Variants in MACF1 observed in about 807,000 individuals in gnomAD.
MACF1 encodes the protein microtubule actin crosslinking factor 1, also known as microtubule-actin cross-linking factor 1.
A neutral mutation model predicts 854.8 loss-of-function variants in MACF1; 193 were observed. The ratio of observed to expected loss-of-function variants is 0.23; its 90% CI spans 0.20 to 0.25. The LOEUF is 0.25. Ranked by LOEUF, MACF1 falls within the 10% of genes least tolerant of loss-of-function variation. The pLI is 1.00. For missense variants in MACF1, 7,722 were observed against 8,929.1 expected, an observed-to-expected ratio of 0.86 and a Z score of 5.45; for synonymous variants, 3,185 against 3,226.7, an observed-to-expected ratio of 0.99 and a Z score of 0.44.
chr1:39,232,797 T>G (rs549462351), intron 2 of MACF1, among the ~76,000 whole-genome samples: 21 of 151,946 alleles, frequency 1.4e-4, no homozygotes, highest in Non-Finnish European at 2.8e-4. Context: ...TTGTTTGTTT[T>G]TTTGAGACAG....
intron 2 of MACF1, among the ~76,000 whole-genome samples, chr1:39,175,377 A>G (rs1412305859): frequency 6.6e-6 from 1 of 152,228 alleles, no homozygotes; most frequent in Non-Finnish European, 1.5e-5. Flanking sequence ...CTCAAAAACT[A>G]GAATCATGTA....
intron 2 of MACF1, among the ~76,000 whole-genome samples, chr1:39,139,185 C>T (rs1006779423): frequency 6.6e-6 from 1 of 152,090 alleles, no homozygotes; most frequent in African/African-American, 2.4e-5. Context: ...TCAACTGTCT[C>T]GTCATTTATT....
chr1:39,464,938 TCC>T (rs1644633122), intron 94 of MACF1, 155 bp from the exon 95 acceptor site: 1 of 680,236 alleles, frequency 1.5e-6, no homozygotes, highest in Non-Finnish European at 2.6e-6. Context: ...TAAAACCACA[TCC>T]CTGTGGCAGG....
At chr1:39,301,214 C>T (rs1220637094) in intron 22 of MACF1, among the ~76,000 whole-genome samples, 1 of 152,014 alleles carries the variant, frequency 6.6e-6, no homozygotes, top group East Asian at 1.9e-4. Context: ...GCAAGCTCCG[C>T]CTCCCGGGTT....
At chr1:39,413,085 C>T in intron 58 of MACF1, 1 of 1,603,802 alleles carries the variant, frequency 6.2e-7, no homozygotes. Flanking sequence ...CAGCAGCCAT[C>T]ACACAGGAGG....
intron 56 of MACF1, among the ~76,000 whole-genome samples, chr1:39,383,412 A>G (rs901771289): frequency 5.9e-5 from 9 of 152,216 alleles, no homozygotes; most frequent in Admixed American, 6.5e-5. Context: ...ATTACTGAGG[A>G]TCCCCAAGAG....
rs910122598 is a variant in MACF1, at chr1:39,430,637, C to G, written c.17131-65C>G. On this transcript the variant is annotated intron_variant, in intron 65 of 100. Transcript: ENST00000564288. ...GTGTGGTAGAGATAGCAATTTCCAC[C>G]CAGCACAGTTGCTGATGTGCTTTAT... is the stretch of plus-strand genomic sequence containing the variant. The G allele has an allele frequency of 1.0e-5, 13 of 1,284,380 alleles. No homozygotes were observed. In the Admixed American group the frequency reaches 1.6e-4, roughly 16 times the overall value. The allele number at this position is 1,284,380 out of a possible 1,614,324, so 79.6% of individuals were successfully genotyped here.
chr1:39,437,648 C>T lies in MACF1; in HGVS notation c.17989-129C>T, dbSNP rs1481476891. The T allele has an allele frequency of 6.2e-6, 5 of 806,738 alleles. No homozygotes were observed. In the Admixed American group the frequency reaches 7.6e-5, roughly 12 times the overall value. The allele number at this position is 806,738 out of a possible 1,614,324, so 50.0% of individuals were successfully genotyped here. A position where few individuals can be genotyped will look rare whatever the true frequency, so the allele number is the denominator to read the frequency against. ...CTTAACCAAACTCAACACTTAATAG[C>T]CATTGGGCTAAACTGAGCACAGGTT... On this transcript the variant is annotated intron_variant, in intron 70 of 100. Transcript: ENST00000564288.
chr1:39,231,119 C>G, intron 1 of MACF1, 63 bp from the exon 2 acceptor site: 1 of 1,219,582 alleles, frequency 8.2e-7, no homozygotes, highest in South Asian at 1.2e-5. Context: ...GGCAGGGCAG[C>G]AGCGTGGGAA....
intron 2 of MACF1, among the ~76,000 whole-genome samples, chr1:39,197,742 C>T (rs1351253829): frequency 6.6e-6 from 1 of 151,814 alleles, no homozygotes; most frequent in Non-Finnish European, 1.5e-5. Context: ...AAAATTATAG[C>T]CAGCATGGTG....
intron 84 of MACF1, 60 bp from the exon 85 acceptor site, chr1:39,450,992 A>G: frequency 2.5e-6 from 4 of 1,569,110 alleles, no homozygotes; most frequent in Non-Finnish European, 3.5e-6. Context: ...GCGAGGCAGA[A>G]TTGTGGGCCA....
intron 31 of MACF1, among the ~76,000 whole-genome samples, chr1:39,320,047 C>T (rs997513888): frequency 6.6e-6 from 1 of 152,200 alleles, no homozygotes; most frequent in Non-Finnish European, 1.5e-5. Flanking sequence ...TCTTACTTGT[C>T]TTTCCTATCT....
intron 2 of MACF1, among the ~76,000 whole-genome samples, chr1:39,101,848 A>G (rs1642086846): frequency 7.0e-6 from 1 of 143,356 alleles, no homozygotes; most frequent in East Asian, 2.3e-4. Context: ...GAAAGAAAGA[A>G]AGGGAGGGAG....
At chr1:39,374,982 T>C (rs1007895544) in intron 52 of MACF1, among the ~76,000 whole-genome samples, 1 of 151,780 alleles carries the variant, frequency 6.6e-6, no homozygotes, top group Non-Finnish European at 1.5e-5. Context: ...TGGTGGCGGG[T>C]GCCTGTAGTC....
At chr1:39,086,708 G>A (rs1299401413) in intron 2 of MACF1, among the ~76,000 whole-genome samples, 1 of 152,162 alleles carries the variant, frequency 6.6e-6, no homozygotes, top group African/African-American at 2.4e-5. Context: ...TTCAGATTTG[G>A]AGTCTAGAAT....
Position 39,428,231 on chromosome 1 carries a change from G to A in MACF1, c.16747G>A (p.Val5583Met). ...TGAGGTTGAGGACAAGCTCAGTTCA[G>A]TGTTCGTAAAGGATTTCAAACAGGA... is the stretch of plus-strand genomic sequence containing the variant. ...LAEVEDKLSS[V>M]FVKDFKQDVL... The change falls in exon 63 of 101, where the codon GTG becomes ATG. Residue 5583 changes from valine (V) to methionine (M), a missense_variant. By Grantham distance (21) the Val-to-Met change is conservative. This residue lies in a region of MACF1 where 2,807 missense variants were observed against 3,235.8 expected (regional missense o/e 0.87). Transcript: ENST00000564288. 6.2e-7 allele frequency: 1 copy of A among 1,614,060 alleles called. No homozygotes were observed.
At chr1:39,360,018 T>TAA (rs1557608911) in intron 47 of MACF1, among the ~76,000 whole-genome samples, 1 of 30,458 alleles carries the variant, frequency 3.3e-5, no homozygotes. Flanking sequence ...AAAAAATATA[T>TAA]ATATATATAT....
chr1:39,435,431 TG>T (rs1270514862), intron 69 of MACF1, 126 bp from the exon 70 acceptor site: 2 of 715,034 alleles, frequency 2.8e-6, no homozygotes, highest in Non-Finnish European at 4.7e-6. Context: ...GGTGAGATGC[TG>T]GGCCTTGCTG....
At chr1:39,226,025 C>G (rs2148296988) in intron 1 of MACF1, among the ~76,000 whole-genome samples, 1 of 152,244 alleles carries the variant, frequency 6.6e-6, no homozygotes, top group Non-Finnish European at 1.5e-5. Flanking sequence ...AAAGAACTTT[C>G]ATGTAATTGA....
Sources: gnomAD v4.1 joint callset for allele counts (sites outside exome capture counted in the v4.1 genomes callset) on GRCh38, gnomAD v4.1.1 for gene constraint, gnomAD v4.1.1 regional missense constraint, MANE v1.5 for transcripts, NCBI Gene and HGNC (gene_info 2026-07-23, HGNC 2026-07-21) for gene names.